The following SYT9 variants were observed in gnomAD, a reference collection of about 807,000 sequenced individuals.
SYT9 encodes synaptotagmin-9.
A neutral mutation model predicts 48.4 loss-of-function variants in SYT9; 22 were observed. The ratio of observed to expected loss-of-function variants is 0.45; its 90% CI spans 0.32 to 0.65. SYT9 has a LOEUF of 0.65. Ranked by LOEUF, SYT9 falls within the 30% of genes least tolerant of loss-of-function variation. The probability of loss-of-function intolerance (pLI) is 0.03; values close to 1 mark genes in which losing one functional copy is unlikely to be tolerated. For synonymous variants in SYT9, 265 were observed against 245.0 expected (o/e 1.08, Z -0.76); for missense variants, 577 against 622.0 (o/e 0.93, Z 0.77).
At chr11:7,373,940 T>C (rs2134034603) in intron 3 of SYT9, among the ~76,000 whole-genome samples, 1 of 152,280 alleles carries the variant, frequency 6.6e-6, no homozygotes, top group South Asian at 2.1e-4. Flanking sequence ...ATTATTATTA[T>C]ACTTTAAGTT....
chr11:7,421,314 T>G (rs1311812128), intron 6 of SYT9, among the ~76,000 whole-genome samples: 1 of 152,142 alleles, frequency 6.6e-6, no homozygotes, highest in Non-Finnish European at 1.5e-5. Flanking sequence ...CATTGCATAT[T>G]TTCTAGGCCA....
chr11:7,417,050 C>G (rs1847264574), intron 4 of SYT9, among the ~76,000 whole-genome samples: 1 of 152,118 alleles, frequency 6.6e-6, no homozygotes, highest in Non-Finnish European at 1.5e-5. Context: ...TCACAAGCAA[C>G]CTCTGCAGGT....
At chr11:7,323,692 T>C (rs974962316) in intron 3 of SYT9, among the ~76,000 whole-genome samples, 6 of 152,072 alleles carry the variant, frequency 3.9e-5, no homozygotes, top group African/African-American at 1.4e-4. Context: ...AAGTAATAAA[T>C]TATATTGCTA....
Position 7,303,261 on chromosome 11 carries a change from C to G in SYT9, c.368C>G (p.Pro123Arg). Residue 123 changes from proline to arginine, a missense_variant, in exon 2 of 7, where the codon CCT becomes CGT. Pro to Arg is a moderately radical substitution (Grantham distance 103). Transcript: ENST00000318881. ...TTCCTAGATCCTCCCACGCCCTGCC[C>G]TGACTCCTCCATGAAGATCAGCCAC... ...EDFLDPPTPCPDSSMKISHTS... is the reference protein window; with the variant it reads ...EDFLDPPTPCRDSSMKISHTS... 6.2e-7 allele frequency: 1 copy of G among 1,613,902 alleles called. No individual in the cohort carries two copies. Among genetic ancestry groups the G allele is most frequent in the Non-Finnish European group, 8.5e-7 (1 of 1,179,818 alleles).
At chr11:7,337,386 G>A (rs145791296) in intron 3 of SYT9, among the ~76,000 whole-genome samples, 1 of 151,628 alleles carries the variant, frequency 6.6e-6, no homozygotes, top group African/African-American at 2.4e-5. Context: ...CTCTGATCAG[G>A]ACTACCAATG....
chr11:7,428,056 A>G (rs118026696), intron 6 of SYT9: 1 of 152,310 alleles, frequency 6.6e-6, no homozygotes, highest in East Asian at 1.9e-4. Flanking sequence ...TGTAGAAAAA[A>G]AGAGAGAGAG....
chr11:7,398,896 G>A (rs568189325), intron 3 of SYT9, among the ~76,000 whole-genome samples: 1 of 152,150 alleles, frequency 6.6e-6, no homozygotes, highest in East Asian at 1.9e-4. Flanking sequence ...CTTCTCCATG[G>A]ACACTCATGC....
chr11:7,304,548 G>T (rs1162370191), intron 2 of SYT9, among the ~76,000 whole-genome samples: 1 of 152,096 alleles, frequency 6.6e-6, no homozygotes, highest in African/African-American at 2.4e-5. Flanking sequence ...TATGTTAATC[G>T]AGTTTATCCT....
At chr11:7,404,522 C>T (rs971528962) in intron 3 of SYT9, among the ~76,000 whole-genome samples, 10 of 152,126 alleles carry the variant, frequency 6.6e-5, no homozygotes, top group Non-Finnish European at 4.4e-5. Flanking sequence ...TTAACTTATA[C>T]TGGCTAACTT....
At chr11:7,291,518 G>A (rs1848695820) in intron 1 of SYT9, among the ~76,000 whole-genome samples, 1 of 152,112 alleles carries the variant, frequency 6.6e-6, no homozygotes, top group African/African-American at 2.4e-5. Flanking sequence ...AAAATACATT[G>A]GCCCATTGCT....
chr11:7,271,595 G>C (rs775529607), intron 1 of SYT9, among the ~76,000 whole-genome samples: 2 of 152,056 alleles, frequency 1.3e-5, no homozygotes, highest in Non-Finnish European at 2.9e-5. Context: ...TTTGTTTTTT[G>C]AGATGGAGTC....
rs141767523 is a variant in SYT9 at position 7,299,665 on chromosome 11, A to G, written c.146-3374A>G. On this transcript the variant is annotated intron_variant, in intron 1 of 6. Coordinates refer to ENST00000318881, the MANE Select transcript of SYT9 (RefSeq NM_175733.4). ...GTACAGGCCTCCTCAGATGGGCTTC[A>G]TCACTTACTGAATGCCTATTGTGTG... is the stretch of plus-strand genomic sequence containing the variant. Among the ~76,000 whole-genome samples the G allele has an allele frequency of 2.0e-5, 3 of 152,352 alleles. No individual in the cohort carries two copies. In the East Asian group the frequency reaches 5.8e-4, roughly 29 times the overall value.
chr11:7,267,275 A>G (rs2119818097), intron 1 of SYT9, among the ~76,000 whole-genome samples: 1 of 152,192 alleles, frequency 6.6e-6, no homozygotes, highest in Non-Finnish European at 1.5e-5. Context: ...CATAGAGGAT[A>G]GAAGTTATAG....
Position 7,252,309 on chromosome 11 carries a change from C to A in SYT9, c.123C>A (p.Ala41=). ...QDFIYHLRDR[A]RPRLRDPDIS... ...TCATTTACCACCTGCGGGACCGTGC[C>A]AGACCCCGGCTCCGCGACCCAGGTG... The change falls in exon 1 of 7, where the codon GCC becomes GCA. Residue 41 remains alanine (A), a synonymous_variant. Transcript: ENST00000318881. The surrounding 1 kb of genome is among the most constrained non-coding windows in gnomAD (Gnocchi z 6.3). The A allele has an allele frequency of 6.7e-7, 1 of 1,502,400 alleles. No individual in the cohort carries two copies. The highest frequency in any genetic ancestry group is 8.9e-7 in the Non-Finnish European group (1 of 1,124,806). 93.1% of individuals were successfully genotyped at this position (1,502,400 alleles called of 1,614,324 possible).
intron 4 of SYT9, among the ~76,000 whole-genome samples, chr11:7,416,802 G>A (rs1847260405): frequency 6.6e-6 from 1 of 152,074 alleles, no homozygotes; most frequent in Non-Finnish European, 1.5e-5. Flanking sequence ...GTACTCTCTT[G>A]GGTCTCCCTC....
chr11:7,433,222 A>G (rs1484412108), intron 6 of SYT9, among the ~76,000 whole-genome samples: 1 of 152,202 alleles, frequency 6.6e-6, no homozygotes, highest in Non-Finnish European at 1.5e-5. Flanking sequence ...GAAGCCAAGC[A>G]GATGTCAGTG....
At chr11:7,324,415 A>G (rs1040735634) in intron 3 of SYT9, among the ~76,000 whole-genome samples, 1 of 151,456 alleles carries the variant, frequency 6.6e-6, no homozygotes, top group Admixed American at 6.6e-5. Flanking sequence ...TTTTTCCTGT[A>G]TGATTTTCTT....
Position 7,279,706 on chromosome 11 carries a change from C to T in SYT9, c.146-23333C>T, listed in dbSNP as rs777043593. On this transcript the variant is annotated intron_variant, in intron 1 of 6. Coordinates refer to ENST00000318881, the MANE Select transcript of SYT9 (RefSeq NM_175733.4). Reference sequence around the variant, plus strand: ...GCACATATAAATTTTAGAACCGTTGCTTCAAAGATAAGATTATTTGCTGTG... The same window carrying T: ...GCACATATAAATTTTAGAACCGTTGTTTCAAAGATAAGATTATTTGCTGTG... Among the ~76,000 whole-genome samples the T allele has an allele frequency of 4.9e-4, 74 of 152,286 alleles. 1 individual carries two copies. The Middle Eastern group carries it at 0.014, about 28-fold the overall frequency.
intron 1 of SYT9, among the ~76,000 whole-genome samples, chr11:7,300,976 C>T (rs903728801): frequency 6.6e-6 from 1 of 152,174 alleles, no homozygotes; most frequent in Non-Finnish European, 1.5e-5. Flanking sequence ...GCCTGTTGCT[C>T]TGCACCTGGG....
Sources: allele counts gnomAD v4.1 joint callset (sites outside exome capture counted in the v4.1 genomes callset), GRCh38; gene constraint gnomAD v4.1.1; non-coding constraint Gnocchi (gnomAD v3.1); transcripts MANE v1.5; gene names NCBI Gene and HGNC (gene_info 2026-07-23, HGNC 2026-07-21).